The following PTPRM variants were observed in gnomAD, a reference collection of about 807,000 sequenced individuals.
PTPRM encodes the protein protein tyrosine phosphatase receptor type M.
PTPRM carries 47 observed loss-of-function variants against 186.7 expected under a neutral mutation model. The observed-to-expected ratio is 0.25, with a 90% CI of 0.20 to 0.32. The LOEUF (loss-of-function observed/expected upper bound fraction) is 0.32, where lower values mean the gene tolerates loss of function less well. Ranked by LOEUF, PTPRM falls within the 10% of genes least tolerant of loss-of-function variation. The pLI, the probability that PTPRM is intolerant of heterozygous loss-of-function variation, is 1.00. For missense variants in PTPRM, 1,494 were observed against 1,865.0 expected, an observed-to-expected ratio of 0.80 and a Z score of 3.66; for synonymous variants, 668 against 674.9, an observed-to-expected ratio of 0.99 and a Z score of 0.16.
chr18:7,993,067 A>T (rs954687248), intron 7 of PTPRM, among the ~76,000 whole-genome samples: 1 of 151,946 alleles, frequency 6.6e-6, no homozygotes. Flanking sequence ...GCACTGAAAA[A>T]TTTAATGAAT....
intron 1 of PTPRM, among the ~76,000 whole-genome samples, chr18:7,650,148 T>G (rs11874043): frequency 0.044 from 6,652 of 152,126 alleles, 489 homozygotes; most frequent in African/African-American, 0.15. Flanking sequence ...AGGGCTGACT[T>G]TTTGTATTAA....
chr18:8,069,118 A>G (rs2089299832), intron 7 of PTPRM, among the ~76,000 whole-genome samples: 1 of 151,406 alleles, frequency 6.6e-6, no homozygotes, highest in South Asian at 2.1e-4. Context: ...TCAAAAAAAA[A>G]AAAAAAAAAA....
chr18:8,349,975 T>C (rs916300786), intron 23 of PTPRM, among the ~76,000 whole-genome samples: 19 of 152,270 alleles, frequency 1.2e-4, no homozygotes, highest in Non-Finnish European at 2.4e-4. Flanking sequence ...GATGCCCCAT[T>C]ATCAACTAAG....
chr18:8,288,491 T>C (rs2094983466), intron 19 of PTPRM, among the ~76,000 whole-genome samples: 1 of 152,164 alleles, frequency 6.6e-6, no homozygotes, highest in Non-Finnish European at 1.5e-5. Context: ...TTCTTACAAT[T>C]AATGCCCTAC....
At chr18:7,644,580 T>C (rs908441185) in intron 1 of PTPRM, among the ~76,000 whole-genome samples, 1 of 151,978 alleles carries the variant, frequency 6.6e-6, no homozygotes, top group Admixed American at 6.6e-5. Flanking sequence ...GAAATATGAG[T>C]AGGGGAATAG....
intron 26 of PTPRM, 129 bp from the exon 27 acceptor site, chr18:8,378,136 C>A: frequency 1.1e-6 from 1 of 919,416 alleles, no homozygotes; most frequent in East Asian, 2.5e-5. Flanking sequence ...AGCACTTGAG[C>A]CCTTGGACCG....
rs1390146800 is a variant in PTPRM, at chr18:8,367,484, C to T, written c.3055-3406C>T. 2.0e-5 allele frequency among the ~76,000 whole-genome samples: 3 copies of T among 152,274 alleles called. No homozygotes were observed. In the East Asian group the frequency reaches 5.8e-4, roughly 29 times the overall value. ...AGACGGTGTTTTCTTTTCATTGTTC[C>T]CTCGCTTCGCTGGGAGAGCGGCGGC... On this transcript the variant is annotated intron_variant, in intron 23 of 32. Coordinates refer to ENST00000580170, the MANE Select transcript of PTPRM (RefSeq NM_001105244.2).
chr18:7,892,955 A>G (rs1179518057), intron 3 of PTPRM, among the ~76,000 whole-genome samples: 5 of 152,112 alleles, frequency 3.3e-5, no homozygotes, highest in African/African-American at 9.7e-5. Flanking sequence ...TAATACCACC[A>G]TTTTTGGGAT....
chr18:8,328,334 C>T (rs1198958458), intron 22 of PTPRM, among the ~76,000 whole-genome samples: 3 of 152,170 alleles, frequency 2.0e-5, no homozygotes, highest in African/African-American at 7.2e-5. Flanking sequence ...TTCTGGCCTC[C>T]AGATGGAGAT....
chr18:7,917,104 C>A (rs2050605211), intron 4 of PTPRM, among the ~76,000 whole-genome samples: 1 of 152,166 alleles, frequency 6.6e-6, no homozygotes, highest in Admixed American at 6.5e-5. Flanking sequence ...CATGCTGCAG[C>A]AAATGACAAG....
intron 7 of PTPRM, among the ~76,000 whole-genome samples, chr18:7,974,046 C>T (rs908034027): frequency 1.3e-5 from 2 of 151,430 alleles, no homozygotes; most frequent in East Asian, 1.9e-4. Flanking sequence ...TTCAATGATG[C>T]GCGAGGAGAA....
At chr18:8,078,889 G>C (rs989650069) in intron 9 of PTPRM, among the ~76,000 whole-genome samples, 3 of 152,118 alleles carry the variant, frequency 2.0e-5, no homozygotes, top group South Asian at 2.1e-4. Context: ...CATCACCAAG[G>C]GGGTGGCCCA....
intron 2 of PTPRM, among the ~76,000 whole-genome samples, chr18:7,830,956 A>C (rs191290024): frequency 3.6e-3 from 544 of 152,288 alleles, no homozygotes; most frequent in Non-Finnish European, 4.5e-3. Flanking sequence ...GTTTGTCTTG[A>C]ATTGCTTATC....
At chr18:8,025,263 C>T (rs2085499036) in intron 7 of PTPRM, among the ~76,000 whole-genome samples, 1 of 152,088 alleles carries the variant, frequency 6.6e-6, no homozygotes, top group Admixed American at 6.6e-5. Context: ...GTACTTTGGT[C>T]TACATGTTTG....
intron 4 of PTPRM, among the ~76,000 whole-genome samples, chr18:7,923,452 T>C (rs368994379): frequency 1.4e-4 from 22 of 152,292 alleles, no homozygotes; most frequent in East Asian, 1.2e-3. Context: ...GAAGGAAAAC[T>C]TTTCCTTTTC....
chr18:7,913,538 G>A (rs1681939007), intron 4 of PTPRM, among the ~76,000 whole-genome samples: 1 of 152,078 alleles, frequency 6.6e-6, no homozygotes, highest in Non-Finnish European at 1.5e-5. Context: ...ATCAAGAAAT[G>A]CTGTTGGGTT....
intron 3 of PTPRM, among the ~76,000 whole-genome samples, chr18:7,901,476 C>T (rs1479371505): frequency 6.6e-6 from 1 of 152,086 alleles, no homozygotes; most frequent in Non-Finnish European, 1.5e-5. Flanking sequence ...AAGTGATTCT[C>T]TTGCCTCAGG....
Position 8,164,629 on chromosome 18 carries a change from A to G in PTPRM, c.2300+20850A>G, listed in dbSNP as rs142712202. Among the ~76,000 whole-genome samples the G allele has an allele frequency of 3.5e-3, 530 of 152,294 alleles. 7 individuals carry two copies. Among genetic ancestry groups the G allele is most frequent in the African/African-American group, 0.012 (488 of 41,556 alleles). ...ACAAATACTGTATCATTCCACTTATATAAGTACCTAGAGTAGTCAAATTCA... is the reference window on the plus strand; with the variant it reads ...ACAAATACTGTATCATTCCACTTATGTAAGTACCTAGAGTAGTCAAATTCA... On this transcript the variant is annotated intron_variant, in intron 14 of 32. Coordinates refer to ENST00000580170, the MANE Select transcript of PTPRM (RefSeq NM_001105244.2).
At chr18:7,885,927 G>A (rs1278763596) in intron 2 of PTPRM, among the ~76,000 whole-genome samples, 1 of 152,118 alleles carries the variant, frequency 6.6e-6, no homozygotes, top group Non-Finnish European at 1.5e-5. Context: ...GTGAAAGGAG[G>A]CCCCTCTGAG....
Sources: allele counts gnomAD v4.1 joint callset (sites outside exome capture counted in the v4.1 genomes callset), GRCh38; gene constraint gnomAD v4.1.1; transcripts MANE v1.5; gene names NCBI Gene and HGNC (gene_info 2026-07-23, HGNC 2026-07-21).